The following KHSRP variants were observed in gnomAD, a reference collection of about 807,000 sequenced individuals.
The protein encoded by KHSRP is KH-type splicing regulatory protein.
A neutral mutation model predicts 94.9 loss-of-function variants in KHSRP; 13 were observed. The ratio of observed to expected loss-of-function variants is 0.14; its 90% confidence interval spans 0.09 to 0.22. KHSRP has a LOEUF of 0.22. Ranked by LOEUF, KHSRP falls within the 10% of genes least tolerant of loss-of-function variation. The probability of loss-of-function intolerance (pLI) is 1.00; values close to 1 mark genes in which losing one functional copy is unlikely to be tolerated. For synonymous variants in KHSRP, 495 were observed against 401.4 expected (o/e 1.23, Z -2.79); for missense variants, 710 against 1,010.0 (o/e 0.70, Z 4.03).
Position 6,414,588 on chromosome 19 carries a change from A to G in KHSRP, c.*436T>C. 2 of 1,014,722 alleles carry G rather than the reference A, an allele frequency of 2.0e-6. No homozygotes were observed. Among genetic ancestry groups the G allele is most frequent in the Non-Finnish European group, 2.4e-6 (2 of 849,666 alleles). 62.9% of individuals were successfully genotyped at this position (1,014,722 alleles called of 1,614,324 possible). On this transcript the variant is annotated 3_prime_UTR_variant, in exon 19 of 19. Transcript: ENST00000600480. The stretch of plus-strand genomic sequence containing the variant: ...CATGGGAGGCTGAGCCCGGCGGGGC[A>G]GGGGCCTGGGCCGCTCCCCGCGTCC...
In KHSRP at chr19:6,414,720, A is replaced by G. The variant is rs1468076524; in HGVS notation, c.*304T>C. 10 of 1,041,928 alleles carry G rather than the reference A, an allele frequency of 9.6e-6. No individual in the cohort carries two copies. The highest frequency in any genetic ancestry group is 1.2e-5 in the Non-Finnish European group (10 of 867,366). The allele number at this position is 1,041,928 out of a possible 1,614,324, so 64.5% of individuals were successfully genotyped here. A position where few individuals can be genotyped will look rare whatever the true frequency, so the allele number is the denominator to read the frequency against. On this transcript the variant is annotated 3_prime_UTR_variant, in exon 19 of 19. Coordinates refer to ENST00000600480, the MANE Select transcript of KHSRP (RefSeq NM_001366299.1). ...AAGAATAAAAAGAACAAAAACCAAA[A>G]AAGTGATGCAGAGAAGGGGAAAAAA...
intron 1 of KHSRP, among the ~76,000 whole-genome samples, 157 bp from the exon 2 acceptor site, chr19:6,422,593 T>C (rs1190169963): frequency 6.6e-6 from 1 of 152,208 alleles, no homozygotes; most frequent in East Asian, 1.9e-4. Context: ...TAAGACATCC[T>C]AGGAGTTTTG....
At chr19:6,416,948 G>A in intron 12 of KHSRP, 39 bp downstream of exon 12, 2 of 1,613,306 alleles carry the variant, frequency 1.2e-6, no homozygotes, top group South Asian at 2.2e-5. Context: ...CACTCCCCTG[G>A]AGGCCCTGCC....
At chr19:6,416,144 T>A (rs767837959) in intron 15 of KHSRP, among the ~76,000 whole-genome samples, 154 bp downstream of exon 15, 4 of 152,114 alleles carry the variant, frequency 2.6e-5, no homozygotes, top group African/African-American at 9.7e-5. Context: ...GCTCTACCAG[T>A]AGACAGGAGA....
intron 2 of KHSRP, 136 bp from the exon 3 acceptor site, chr19:6,421,824 G>A: frequency 4.1e-6 from 4 of 975,302 alleles, no homozygotes; most frequent in South Asian, 1.5e-5. Context: ...CAGGAGCCCA[G>A]GAGAGACTGG....
intron 4 of KHSRP, among the ~76,000 whole-genome samples, chr19:6,420,798 T>C (rs764030152): frequency 1.3e-4 from 20 of 152,226 alleles, no homozygotes; most frequent in Non-Finnish European, 1.9e-4. Flanking sequence ...ATGAAACTAC[T>C]GGCCCATTAA....
In KHSRP at chr19:6,415,464, G is replaced by A. The variant is rs373650689; in HGVS notation, c.1889-7C>T. The stretch of plus-strand genomic sequence containing the variant: ...GGCTGCTGGGGCTGCTGGCCTGTGC[G>A]GGCGCCGAGACAGGTCAGAAACCAC... On this transcript the variant is annotated splice_polypyrimidine_tract_variant and splice_region_variant and intron_variant, in intron 17 of 18. Coordinates refer to ENST00000600480, the MANE Select transcript of KHSRP (RefSeq NM_001366299.1). 3.7e-5 allele frequency: 58 copies of A among 1,556,170 alleles called. 1 individual carries two copies. In the African/African-American group the frequency reaches 4.5e-4, roughly 12 times the overall value.
rs749152734 is a variant in KHSRP at position 6,422,303 on chromosome 19, C to G, written c.346+37G>C. 7.6e-6 allele frequency: 11 copies of G among 1,438,288 alleles called. No homozygotes were observed. In the East Asian group the frequency reaches 2.5e-4, roughly 33 times the overall value. The allele number at this position is 1,438,288 out of a possible 1,614,324, so 89.1% of individuals were successfully genotyped here. On this transcript the variant is annotated intron_variant, in intron 2 of 18. Transcript: ENST00000600480. Reference sequence around the variant, plus strand: ...AAAAGCACCTCTTTAGGCCCCCAGCCCTTCCTCCTAAGCTAAAGGCAGCAG... The same window carrying G: ...AAAAGCACCTCTTTAGGCCCCCAGCGCTTCCTCCTAAGCTAAAGGCAGCAG...
intron 4 of KHSRP, 99 bp from the exon 5 acceptor site, chr19:6,420,570 G>A (rs1192288676): frequency 2.5e-5 from 27 of 1,097,144 alleles, no homozygotes; most frequent in Non-Finnish European, 3.6e-5. Context: ...ATAGGTCTAA[G>A]CAGAGTCTGA....
At chr19:6,417,621 GAGCCGTGAGGTGCT>G in intron 11 of KHSRP, 104 bp downstream of exon 11, 2 of 733,110 alleles carry the variant, frequency 2.7e-6, no homozygotes, top group Non-Finnish European at 4.7e-6. Context: ...GCTGGACTAA[GAGCCGTGAGGTGCT>G]ATGGAGGCCA....
chr19:6,414,064 G>GAAA lies in KHSRP; in HGVS notation c.*957_*959dup. 7.2e-7 allele frequency: 1 copy of GAAA among 1,394,100 alleles called. No individual in the cohort carries two copies. Among genetic ancestry groups the GAAA allele is most frequent in the Non-Finnish European group, 9.6e-7 (1 of 1,037,478 alleles). 86.4% of individuals were successfully genotyped at this position (1,394,100 alleles called of 1,614,324 possible). A position where few individuals can be genotyped will look rare whatever the true frequency, so the allele number is the denominator to read the frequency against. Reference sequence around the variant, plus strand: ...AGAAGCCCCCAAACAGAACAAAATGGAAAAAAAAAAGATTTTTCACAGATG... The same window carrying GAAA: ...AGAAGCCCCCAAACAGAACAAAATGGAAAAAAAAAAAAAGATTTTTCACAGATG... On this transcript the variant is annotated 3_prime_UTR_variant, in exon 19 of 19. Coordinates refer to ENST00000600480, the MANE Select transcript of KHSRP (RefSeq NM_001366299.1).
Position 6,419,218 on chromosome 19 carries a change from G to A in KHSRP, c.590C>T (p.Ala197Val), listed in dbSNP as rs1357476295. ...GGGGACTTACTGGACAGATTCTGGG[G>A]CTCCTGTCAAGGACACACTGCGCTC... ...LPERSVSLTGAPESVQKAKMM... is the reference protein window; with the variant it reads ...LPERSVSLTGVPESVQKAKMM... The change falls in exon 7 of 19, where the codon GCC becomes GTC. Residue 197 changes from alanine to valine, a missense_variant. By Grantham distance (64) the Ala-to-Val change is moderately conservative. Coordinates refer to ENST00000600480, the MANE Select transcript of KHSRP (RefSeq NM_001366299.1). 2 of 1,584,340 alleles carry A rather than the reference G, an allele frequency of 1.3e-6. No homozygotes were observed. The highest frequency in any genetic ancestry group is 1.7e-6 in the Non-Finnish European group (2 of 1,165,478).
At chr19:6,415,503 C>G in intron 17 of KHSRP, 31 bp downstream of exon 17, 1 of 1,548,112 alleles carries the variant, frequency 6.5e-7, no homozygotes, top group Non-Finnish European at 8.7e-7. Flanking sequence ...CCCGGCAGGG[C>G]TGGAGCCCCC....
Position 6,415,663 on chromosome 19 carries a change from G to T in KHSRP, c.1759C>A (p.Pro587Thr), listed in dbSNP as rs887614088. 1.9e-6 allele frequency: 3 copies of T among 1,542,926 alleles called. No homozygotes were observed. The highest frequency in any genetic ancestry group is 2.6e-6 in the Non-Finnish European group (3 of 1,145,250). ...GCGGGGCCGGGGACGGGGCCCGGGGGCTGCTGGTAGTAGTGTGAGTAGTAG... is the reference window on the plus strand; with the variant it reads ...GCGGGGCCGGGGACGGGGCCCGGGGTCTGCTGGTAGTAGTGTGAGTAGTAG... Reference protein sequence around the residue: ...AAYYSHYYQQPPGPVPGPAPA... With the variant: ...AAYYSHYYQQTPGPVPGPAPA... The change falls in exon 17 of 19, where the codon CCC becomes ACC. Residue 587 changes from proline (P) to threonine (T), a missense_variant. Pro to Thr is a conservative substitution (Grantham distance 38). Transcript: ENST00000600480.
At position 6,418,848 on chromosome 19, in the gene KHSRP, CAAT is replaced by C. The variant is rs2092174632; in HGVS notation, c.631_633del (p.Ile211del). The C allele has an allele frequency of 6.4e-7, 1 of 1,557,774 alleles. No homozygotes were observed. The highest frequency in any genetic ancestry group is 8.6e-7 in the Non-Finnish European group (1 of 1,157,110). ...GGGGGGCCCCCACGACCCCGAGACA[CAAT>C]GTCATCCAGCATCATCTTGGCTTTC... On this transcript the variant is annotated inframe_deletion, in exon 8 of 19. Transcript: ENST00000600480. This position sits in a 1 kb window ranked among gnomAD's most constrained non-coding sequence, Gnocchi z 4.3.
rs1439427360 is a variant in KHSRP, at chr19:6,418,092, AG to A, written c.880-14del. ...TCTCACAGGCTTGCTGCAAACACAC[AG>A]GAAGCAGCCCCCATGGGTGAGCCCT... On this transcript the variant is annotated splice_polypyrimidine_tract_variant and intron_variant, in intron 9 of 18. Coordinates refer to ENST00000600480, the MANE Select transcript of KHSRP (RefSeq NM_001366299.1). The surrounding 1 kb of genome is among the most constrained non-coding windows in gnomAD (Gnocchi z 4.3). 5 of 1,612,518 alleles carry A rather than the reference AG, an allele frequency of 3.1e-6. No individual in the cohort carries two copies. In the East Asian group the frequency reaches 1.1e-4, roughly 36 times the overall value.
chr19:6,418,007 C>T lies in KHSRP; in HGVS notation c.952G>A (p.Gly318Arg). 3 of 1,613,996 alleles carry T rather than the reference C, an allele frequency of 1.9e-6. No individual in the cohort carries two copies. Among genetic ancestry groups the T allele is most frequent in the Non-Finnish European group, 1.7e-6 (2 of 1,179,860 alleles). Residue 318 changes from glycine (G) to arginine (R), a missense_variant, in exon 10 of 19, where the codon GGA (glycine) becomes AGA (arginine). Gly to Arg is a moderately radical substitution (Grantham distance 125, BLOSUM62 -2). Around this residue, in one of 5 missense-constraint regions of KHSRP, gnomAD observed 288 missense variants for 501.1 expected, o/e 0.57. Transcript: ENST00000600480. This position sits in a 1 kb window ranked among gnomAD's most constrained non-coding sequence, Gnocchi z 4.3. ...TCGATGCCTCCGCCAATCCGAGATC[C>T]GTACTCATTCCGGTCCCCAAAGCCG... ...QGGFGDRNEY[G>R]SRIGGGIDVP...
Position 6,414,078 on chromosome 19 carries a change from T to A in KHSRP, c.*946A>T. 6.2e-7 allele frequency: 1 copy of A among 1,603,006 alleles called. No individual in the cohort carries two copies. The highest frequency in any genetic ancestry group is 8.5e-7 in the Non-Finnish European group (1 of 1,175,672). On this transcript the variant is annotated 3_prime_UTR_variant, in exon 19 of 19. Transcript: ENST00000600480. The stretch of plus-strand genomic sequence containing the variant: ...AGAACAAAATGGAAAAAAAAAAGAT[T>A]TTTCACAGATGAAGAAGTTCACATT...
rs746274900 is a variant in KHSRP at position 6,418,677 on chromosome 19, G to A, written c.780+25C>T. 1 of 1,613,834 alleles carries A rather than the reference G, an allele frequency of 6.2e-7. No individual in the cohort carries two copies. The highest frequency in any genetic ancestry group is 8.5e-7 in the Non-Finnish European group (1 of 1,179,790). The stretch of plus-strand genomic sequence containing the variant: ...TGGGGTGTGGCACACGGATGCAGAG[G>A]AAGCTGCCCAGGTGCTGCCCTCACC... On this transcript the variant is annotated intron_variant, in intron 8 of 18. Coordinates refer to ENST00000600480, the MANE Select transcript of KHSRP (RefSeq NM_001366299.1). The surrounding 1 kb of genome is among the most constrained non-coding windows in gnomAD (Gnocchi z 4.3).
Sources: gnomAD v4.1 joint callset for allele counts (sites outside exome capture counted in the v4.1 genomes callset) on GRCh38, gnomAD v4.1.1 for gene constraint, gnomAD v4.1.1 regional missense constraint, Gnocchi (gnomAD v3.1) non-coding constraint, MANE v1.5 for transcripts, NCBI Gene and HGNC (gene_info 2026-07-23, HGNC 2026-07-21) for gene names.